The following ANK3 variants were observed in gnomAD, a reference collection of about 807,000 sequenced individuals.
ANK3 encodes ankyrin 3, also known as ankyrin-3.
ANK3 carries 57 observed loss-of-function variants against 370.9 expected under a neutral mutation model. That is an observed-to-expected ratio of 0.15 (90% confidence interval 0.12 to 0.19). ANK3 has a LOEUF of 0.19. ANK3 is among the 10% of genes least tolerant of loss of function. The probability of loss-of-function intolerance (pLI) is 1.00; values close to 1 mark genes in which losing one functional copy is unlikely to be tolerated. For missense variants in ANK3, 4,439 were observed against 5,302.1 expected (o/e 0.84, Z 5.06); for synonymous variants, 1,929 against 1,946.3 (o/e 0.99, Z 0.23).
intron 42 of ANK3, among the ~76,000 whole-genome samples, chr10:60,045,084 A>T (rs534481363): frequency 4.7e-5 from 7 of 150,530 alleles, no homozygotes; most frequent in South Asian, 2.1e-4. Context: ...GTTTCGTAAT[A>T]AAAAAAAATG....
intron 2 of ANK3, among the ~76,000 whole-genome samples, chr10:60,478,879 A>G (rs758490538): frequency 6.6e-6 from 1 of 152,150 alleles, no homozygotes; most frequent in Admixed American, 6.6e-5. Flanking sequence ...AAGGGTTATT[A>G]TGAAGTCTGA....
chr10:60,612,444 C>CT, intron 2 of ANK3, among the ~76,000 whole-genome samples: 1 of 152,194 alleles, frequency 6.6e-6, no homozygotes, highest in African/African-American at 2.4e-5. Context: ...ACTCTCACCT[C>CT]TTTTTGCCTC....
At chr10:60,601,586 G>T (rs897468496) in intron 2 of ANK3, among the ~76,000 whole-genome samples, 1 of 152,084 alleles carries the variant, frequency 6.6e-6, no homozygotes, top group African/African-American at 2.4e-5. Flanking sequence ...AGAAAAAACT[G>T]AGAAACTAGC....
At chr10:60,183,313 T>C (rs1235367086) in intron 17 of ANK3, among the ~76,000 whole-genome samples, 1 of 152,228 alleles carries the variant, frequency 6.6e-6, no homozygotes, top group East Asian at 1.9e-4. Flanking sequence ...GTATCGTATC[T>C]TTGATTTTTA....
At chr10:60,196,396 C>T (rs1384574704) in intron 15 of ANK3, 131 bp downstream of exon 15, 2 of 912,292 alleles carry the variant, frequency 2.2e-6, no homozygotes, top group Non-Finnish European at 3.4e-6. Flanking sequence ...CCTTTTATTT[C>T]CCAAGTGCTC....
intron 1 of ANK3, among the ~76,000 whole-genome samples, chr10:60,338,049 C>G (rs777107423): frequency 8.5e-5 from 13 of 152,188 alleles, no homozygotes; most frequent in Non-Finnish European, 1.8e-4. Context: ...TGCCTGACCT[C>G]TCTCACCTGT....
chr10:60,552,289 C>T (rs181901248), intron 2 of ANK3, among the ~76,000 whole-genome samples: 41 of 152,238 alleles, frequency 2.7e-4, no homozygotes, highest in Admixed American at 9.2e-4. Flanking sequence ...GATTATAAAA[C>T]GTAAGCTAGT....
At position 60,451,303 on chromosome 10, in the gene ANK3, A is replaced by G. The variant is rs188366269; in HGVS notation, c.96+163883T>C. Among the ~76,000 whole-genome samples the G allele has an allele frequency of 8.1e-4, 123 of 152,300 alleles. 2 individuals carry two copies. The highest frequency in any genetic ancestry group is 2.9e-5 in the Non-Finnish European group (2 of 68,014). ...CTGTTGTTTAAGCCACCCAGTTTGT[A>G]GTCACTTGCTATGGCAACCCTTGGA... On this transcript the variant is annotated intron_variant, in intron 2 of 43. Transcript: ENST00000373827.
At chr10:60,113,554 A>G (rs907683285) in intron 26 of ANK3, among the ~76,000 whole-genome samples, 2 of 152,180 alleles carry the variant, frequency 1.3e-5, no homozygotes, top group African/African-American at 2.4e-5. Flanking sequence ...ATGAAAAAAT[A>G]CAAAAATTAT....
intron 42 of ANK3, chr10:60,051,510 T>G (rs1165643157): frequency 1.0e-6 from 1 of 985,354 alleles, no homozygotes; most frequent in East Asian, 1.1e-4. Context: ...ACTCGGGTAG[T>G]GACTCTCCGC....
chr10:60,728,044 A>G (rs185219490), intron 1 of ANK3, among the ~76,000 whole-genome samples: 24 of 152,350 alleles, frequency 1.6e-4, no homozygotes, highest in Admixed American at 1.2e-3. Flanking sequence ...CTCCATGTTC[A>G]TCGCCTCTTG....
intron 1 of ANK3, among the ~76,000 whole-genome samples, chr10:60,295,171 A>G (rs1452286531): frequency 6.6e-6 from 1 of 152,224 alleles, no homozygotes; most frequent in Non-Finnish European, 1.5e-5. Flanking sequence ...CTAATATGTC[A>G]CTTTCTATTG....
chr10:60,073,298 C>A lies in ANK3; in HGVS notation c.7583G>T (p.Gly2528Val), dbSNP rs1302220873. 1.9e-6 allele frequency: 3 copies of A among 1,614,054 alleles called. No individual in the cohort carries two copies. The Admixed American group carries it at 5.0e-5, about 27-fold the overall frequency. Reference protein sequence around the residue: ...IYKDVSENGVGKVSKDEHFDK... With the variant: ...IYKDVSENGVVKVSKDEHFDK... ...AAAATGCTCATCTTTAGACACTTTA[C>A]CTACACCATTTTCAGAAACATCTTT... Residue 2528 changes from glycine (G) to valine (V), a missense_variant, in exon 37 of 44, where the codon GGT (glycine) becomes GTT (valine). Around this residue, in one of 13 missense-constraint regions of ANK3, gnomAD observed 1,601 missense variants for 1,731.7 expected, o/e 0.92. Coordinates refer to ENST00000280772, the MANE Select transcript of ANK3 (RefSeq NM_020987.5).
chr10:60,648,231 C>G (rs1424214990), intron 1 of ANK3, among the ~76,000 whole-genome samples: 1 of 148,732 alleles, frequency 6.7e-6, no homozygotes, highest in Non-Finnish European at 1.5e-5. Context: ...CAGCTCACTG[C>G]AAGCTCCACC....
At chr10:60,515,029 T>G (rs2076183808) in intron 2 of ANK3, among the ~76,000 whole-genome samples, 1 of 152,100 alleles carries the variant, frequency 6.6e-6, no homozygotes, top group Non-Finnish European at 1.5e-5. Context: ...TGCCATCGGA[T>G]AAATAAATGT....
chr10:60,080,399 G>A (rs1321353072), intron 36 of ANK3, 138 bp downstream of exon 36: 15 of 710,486 alleles, frequency 2.1e-5, no homozygotes, highest in Non-Finnish European at 3.1e-5. Context: ...ATATTACTTA[G>A]GTTGTATGAC....
chr10:60,603,051 A>G (rs1020966722), intron 2 of ANK3, among the ~76,000 whole-genome samples: 6 of 152,138 alleles, frequency 3.9e-5, no homozygotes, highest in African/African-American at 1.4e-4. Flanking sequence ...CTCGTCTTGA[A>G]ACAAATGAAG....
rs115116389 is a variant in ANK3 at position 60,491,701 on chromosome 10, T to C, written c.96+123485A>G. ...AGGTAAAATGCTTCCCAAGAAAAGATTGATCAAATGATTGAGACACAGTAC... is the reference window on the plus strand; with the variant it reads ...AGGTAAAATGCTTCCCAAGAAAAGACTGATCAAATGATTGAGACACAGTAC... On this transcript the variant is annotated intron_variant, in intron 2 of 43. Transcript: ENST00000373827. Among the ~76,000 whole-genome samples, 763 of 152,264 alleles carry C rather than the reference T, an allele frequency of 5.0e-3. 8 individuals carry two copies. The highest frequency in any genetic ancestry group is 0.017 in the African/African-American group (717 of 41,556).
intron 1 of ANK3, among the ~76,000 whole-genome samples, chr10:60,349,424 T>A (rs934241645): frequency 1.3e-5 from 2 of 152,190 alleles, no homozygotes; most frequent in African/African-American, 4.8e-5. Flanking sequence ...AAGCAAAGAT[T>A]AGTTAAGGAT....
Sources: allele counts gnomAD v4.1 joint callset (sites outside exome capture counted in the v4.1 genomes callset), GRCh38; gene constraint gnomAD v4.1.1; regional missense constraint gnomAD v4.1.1; transcripts MANE v1.5; gene names NCBI Gene and HGNC (gene_info 2026-07-23, HGNC 2026-07-21).